The following C3orf18 variants were observed in gnomAD, a reference collection of about 807,000 sequenced individuals.
The protein encoded by C3orf18 is chromosome 3 open reading frame 18.
A neutral mutation model predicts 14.1 loss-of-function variants in C3orf18; 12 were observed. The ratio of observed to expected loss-of-function variants is 0.85; its 90% confidence interval spans 0.55 to 1.38. C3orf18 has a LOEUF of 1.38. Ranked by LOEUF, C3orf18 falls within the 40% of genes most tolerant of loss-of-function variation. The pLI, the probability that C3orf18 is intolerant of heterozygous loss-of-function variation, is 0.00. For missense variants in C3orf18, 196 were observed against 213.9 expected (o/e 0.92, Z 0.52); for synonymous variants, 82 against 87.9 (o/e 0.93, Z 0.38).
At position 50,565,196 on chromosome 3, in the gene C3orf18, A is replaced by T. The variant is rs1254103940; in HGVS notation, c.234+270T>A. On this transcript the variant is annotated intron_variant, in intron 3 of 5. Transcript: ENST00000357203. The surrounding 1 kb of genome is among the most constrained non-coding windows in gnomAD (Gnocchi z 4.4). ...AGCCTGGCTAACATAGCGAAACCCC[A>T]TCTCTACTAAAAATACAAAAATTAG... Among the ~76,000 whole-genome samples the T allele has an allele frequency of 6.6e-6, 1 of 152,090 alleles. No homozygotes were observed. The highest frequency in any genetic ancestry group is 1.5e-5 in the Non-Finnish European group (1 of 68,014).
chr3:50,571,174 TG>T, upstream of C3orf18: 3 of 1,613,710 alleles, frequency 1.9e-6, no homozygotes, highest in Non-Finnish European at 1.7e-6. Flanking sequence ...TACCCGGGGC[TG>T]GGCCTTCAGC....
intron 1 of C3orf18, among the ~76,000 whole-genome samples, 185 bp from the exon 2 acceptor site, chr3:50,566,279 G>A (rs1454851643): frequency 6.6e-6 from 1 of 151,704 alleles, no homozygotes; most frequent in Non-Finnish European, 1.5e-5. Flanking sequence ...TTTCCTGGAG[G>A]GAAACACTTG....
Position 50,565,198 on chromosome 3 carries a change from C to T in C3orf18, c.234+268G>A, listed in dbSNP as rs1210072187. ...CCTGGCTAACATAGCGAAACCCCATCTCTACTAAAAATACAAAAATTAGCC... is the reference window on the plus strand; with the variant it reads ...CCTGGCTAACATAGCGAAACCCCATTTCTACTAAAAATACAAAAATTAGCC... On this transcript the variant is annotated intron_variant, in intron 3 of 5. Coordinates refer to ENST00000357203, the MANE Select transcript of C3orf18 (RefSeq NM_016210.5). This position sits in a 1 kb window ranked among gnomAD's most constrained non-coding sequence, Gnocchi z 4.4. Among the ~76,000 whole-genome samples the T allele has an allele frequency of 2.0e-5, 3 of 152,130 alleles. No individual in the cohort carries two copies. Among genetic ancestry groups the T allele is most frequent in the South Asian group, 4.1e-4 (2 of 4,826 alleles).
rs1286503979 is a variant in C3orf18, at chr3:50,567,716, G to T, written c.-505C>A. ...CCCACGGCGGAGGTGGGGCCGGGCC[G>T]AGCAGCCTCGGGGGATCCCCGAAGC... is the stretch of plus-strand genomic sequence containing the variant. On this transcript the variant is annotated 5_prime_UTR_variant, in exon 1 of 6. Coordinates refer to ENST00000357203, the MANE Select transcript of C3orf18 (RefSeq NM_016210.5). 1 of 152,252 alleles carries T rather than the reference G, an allele frequency of 6.6e-6. No homozygotes were observed. The highest frequency in any genetic ancestry group is 2.4e-5 in the African/African-American group (1 of 41,462). The allele number at this position is 152,252 out of a possible 1,614,324, so 9.4% of individuals were successfully genotyped here. A position where few individuals can be genotyped will look rare whatever the true frequency, so the allele number is the denominator to read the frequency against.
At chr3:50,571,254 G>T, upstream of C3orf18, 2 of 1,613,620 alleles carry the variant, frequency 1.2e-6, no homozygotes, top group African/African-American at 2.7e-5. Context: ...ACTGGACTGG[G>T]GTCTTTGAGA....
At chr3:50,568,356 TC>T (rs1163107167), upstream of C3orf18, among the ~76,000 whole-genome samples, 2 of 151,984 alleles carry the variant, frequency 1.3e-5, no homozygotes, top group South Asian at 2.1e-4. Context: ...TTTATGGGAG[TC>T]ACCGGGTAGC....
In C3orf18 at chr3:50,562,310, G is replaced by A. The variant is rs1415240740; in HGVS notation, c.235-563C>T. On this transcript the variant is annotated intron_variant, in intron 3 of 5. Transcript: ENST00000357203. ...ACAGTTAGGCCCGGCCTGGGGACTG[G>A]TGGGCCCCACCTATTGGCTGGGCTG... 5 of 366,568 alleles carry A rather than the reference G, an allele frequency of 1.4e-5. No homozygotes were observed. In the East Asian group the frequency reaches 3.7e-4, roughly 27 times the overall value. The allele number at this position is 366,568 out of a possible 1,614,324, so 22.7% of individuals were successfully genotyped here.
At chr3:50,566,643 CAAG>C (rs144975347) in intron 1 of C3orf18, among the ~76,000 whole-genome samples, 4,207 of 152,112 alleles carry the variant, frequency 0.028, 200 homozygotes, top group African/African-American at 0.096. Flanking sequence ...GACCAGAAGA[CAAG>C]AAGGAGAGAG....
Position 50,565,857 on chromosome 3 carries a change from G to A in C3orf18, c.-158C>T. ...GATAAAGGGAGCCCCCTGCCTTCCT[G>A]GGTGCTAGAAAGGAAAGAATAAGAA... On this transcript the variant is annotated 5_prime_UTR_variant, in exon 3 of 6. Transcript: ENST00000357203. This position sits in a 1 kb window ranked among gnomAD's most constrained non-coding sequence, Gnocchi z 4.4. 1.7e-6 allele frequency: 1 copy of A among 605,250 alleles called. No individual in the cohort carries two copies. Among genetic ancestry groups the A allele is most frequent in the East Asian group, 2.8e-5 (1 of 36,306 alleles). The allele number at this position is 605,250 out of a possible 1,614,324, so 37.5% of individuals were successfully genotyped here. A position where few individuals can be genotyped will look rare whatever the true frequency, so the allele number is the denominator to read the frequency against.
In C3orf18 at chr3:50,559,716, G is replaced by A; in HGVS notation, c.430C>T (p.Pro144Ser). The A allele has an allele frequency of 1.3e-6, 2 of 1,593,692 alleles. No homozygotes were observed. The highest frequency in any genetic ancestry group is 1.7e-6 in the Non-Finnish European group (2 of 1,169,780). The change falls in exon 6 of 6, where the codon CCA becomes TCA. Residue 144 changes from proline (P) to serine (S), a missense_variant. By Grantham distance (74) the Pro-to-Ser change is moderately conservative (BLOSUM62 -1). Coordinates refer to ENST00000357203, the MANE Select transcript of C3orf18 (RefSeq NM_016210.5). Reference protein sequence around the residue: ...QGKTTLPSQGPLQRPSRLVFT... With the variant: ...QGKTTLPSQGSLQRPSRLVFT... Reference sequence around the variant, plus strand: ...ACCAGCCGGCTGGGTCTCTGCAGTGGGCCCTGGGAGGGCAGAGTAGTCTGC... The same window carrying A: ...ACCAGCCGGCTGGGTCTCTGCAGTGAGCCCTGGGAGGGCAGAGTAGTCTGC...
chr3:50,567,201 C>T (rs996089654), intron 1 of C3orf18, among the ~76,000 whole-genome samples: 1 of 152,200 alleles, frequency 6.6e-6, no homozygotes, highest in African/African-American at 2.4e-5. Flanking sequence ...GGGCCAAACC[C>T]TTAACTCGTG....
intron 5 of C3orf18, among the ~76,000 whole-genome samples, 157 bp from the exon 6 acceptor site, chr3:50,559,894 A>G (rs540140252): frequency 6.6e-6 from 1 of 152,300 alleles, no homozygotes; most frequent in South Asian, 2.1e-4. Flanking sequence ...GCCTACAAAT[A>G]TGACTTGGCT....
chr3:50,562,472 G>A (rs1700044461), intron 3 of C3orf18: 1 of 454,340 alleles, frequency 2.2e-6, no homozygotes, highest in African/African-American at 2.0e-5. Context: ...AAAAAGTAAA[G>A]GGACCCGGTA....
At chr3:50,568,490 G>C (rs1575863577), upstream of C3orf18, among the ~76,000 whole-genome samples, 4 of 152,286 alleles carry the variant, frequency 2.6e-5, no homozygotes, top group East Asian at 7.7e-4. Flanking sequence ...CACTTTGAGA[G>C]GCCGAGGCGA....
At chr3:50,572,560 C>G (rs1156721886), upstream of C3orf18, among the ~76,000 whole-genome samples, 5 of 152,222 alleles carry the variant, frequency 3.3e-5, no homozygotes, top group African/African-American at 9.6e-5. Context: ...AGCAGCTTCT[C>G]AGGAGGCATG....
In C3orf18 at chr3:50,560,937, C is replaced by T. The variant is rs1314443804; in HGVS notation, c.388G>A (p.Val130Met). 2 of 1,613,204 alleles carry T rather than the reference C, an allele frequency of 1.2e-6. No individual in the cohort carries two copies. The highest frequency in any genetic ancestry group is 2.2e-5 in the East Asian group (1 of 44,868). Residue 130 changes from valine (V) to methionine (M), a missense_variant, in exon 5 of 6, where the codon GTG becomes ATG. Transcript: ENST00000357203. ...DAASVQAATS[V>M]QAMQGKTTLP... ...CCCACCTTGCCCTGCATGGCCTGCA[C>T]AGAAGTAGCAGCCTGTACAGAGGCG...
Position 50,561,743 on chromosome 3 carries a change from A to G in C3orf18, c.239T>C (p.Leu80Ser). ...TTACCTCTTCTTCTTCCTGATGTAC[A>G]AAACCTGCAAGAGAAGGAGCAGCAT... is the stretch of plus-strand genomic sequence containing the variant. Reference protein sequence around the residue: ...TVIGLAVALVLYIRKKKRLEK... With the variant: ...TVIGLAVALVSYIRKKKRLEK... Residue 80 changes from leucine (L) to serine (S), a missense_variant, in exon 4 of 6, where the codon TTG (leucine) becomes TCG (serine). Leu to Ser is a moderately radical substitution (Grantham distance 145). Transcript: ENST00000357203. 1 of 1,613,788 alleles carries G rather than the reference A, an allele frequency of 6.2e-7. No homozygotes were observed. The highest frequency in any genetic ancestry group is 8.5e-7 in the Non-Finnish European group (1 of 1,180,014).
rs940068063 is a variant in C3orf18, at chr3:50,559,488, T to A, written c.*169A>T. 1.1e-5 allele frequency: 15 copies of A among 1,427,684 alleles called. No homozygotes were observed. The highest frequency in any genetic ancestry group is 1.4e-5 in the Non-Finnish European group (15 of 1,088,876). The allele number at this position is 1,427,684 out of a possible 1,614,324, so 88.4% of individuals were successfully genotyped here. A position where few individuals can be genotyped will look rare whatever the true frequency, so the allele number is the denominator to read the frequency against. On this transcript the variant is annotated 3_prime_UTR_variant, in exon 6 of 6. Transcript: ENST00000357203. ...GTCCAGCCTGGCTAGGGCCCTCTCT[T>A]AGAGTCTAAAGTCAGCAGGTGGGTC...
upstream of C3orf18, among the ~76,000 whole-genome samples, chr3:50,574,086 G>T (rs1701309575): frequency 6.6e-6 from 1 of 152,224 alleles, no homozygotes; most frequent in Non-Finnish European, 1.5e-5. Context: ...GCCTCTTGAT[G>T]GGGTATGGAG....
Sources: allele counts gnomAD v4.1 joint callset (sites outside exome capture counted in the v4.1 genomes callset), GRCh38; gene constraint gnomAD v4.1.1; non-coding constraint Gnocchi (gnomAD v3.1); transcripts MANE v1.5; gene names NCBI Gene and HGNC (gene_info 2026-07-23, HGNC 2026-07-21).